TBC1D5: variants seen among roughly 807,000 people sequenced by gnomAD.
TBC1D5 encodes the protein TBC1 domain family, member 5.
Under a neutral mutation model 100.3 loss-of-function variants are expected in TBC1D5, and 75 were observed. The observed-to-expected ratio is 0.75, with a 90% CI of 0.62 to 0.91. The LOEUF is 0.91. Ranked by LOEUF, TBC1D5 falls within the 40% of genes least tolerant of loss-of-function variation. The pLI, the probability that TBC1D5 is intolerant of heterozygous loss-of-function variation, is 0.00. For missense variants in TBC1D5, 910 were observed against 942.4 expected (o/e 0.97, Z 0.45); for synonymous variants, 323 against 325.6 (o/e 0.99, Z 0.09).
At chr3:17,360,111 A>G (rs1295920715) in intron 13 of TBC1D5, among the ~76,000 whole-genome samples, 1 of 152,050 alleles carries the variant, frequency 6.6e-6, no homozygotes, top group East Asian at 1.9e-4. Flanking sequence ...TTAAAGTATT[A>G]TCACTGTTAC....
chr3:17,447,824 C>T (rs1315735264), intron 3 of TBC1D5, among the ~76,000 whole-genome samples: 3 of 152,152 alleles, frequency 2.0e-5, no homozygotes, highest in South Asian at 2.1e-4. Flanking sequence ...AACTATTTTT[C>T]CCATCTAACA....
intron 16 of TBC1D5, among the ~76,000 whole-genome samples, chr3:17,248,790 C>T (rs1051842938): frequency 3.9e-5 from 6 of 152,184 alleles, no homozygotes; most frequent in Non-Finnish European, 8.8e-5. Context: ...TCTCTGGCTA[C>T]GGAAGTCCTT....
chr3:17,592,085 G>A (rs1315885566), intron 2 of TBC1D5, among the ~76,000 whole-genome samples: 4 of 152,188 alleles, frequency 2.6e-5, no homozygotes, highest in Admixed American at 1.3e-4. Context: ...CATTGACCTG[G>A]CAAATGCCTT....
At chr3:17,576,187 T>C (rs1470717620) in intron 2 of TBC1D5, among the ~76,000 whole-genome samples, 6 of 152,084 alleles carry the variant, frequency 3.9e-5, no homozygotes, top group African/African-American at 1.4e-4. Flanking sequence ...GTGTTTAAGA[T>C]TGTATTGCTT....
chr3:17,428,606 T>C (rs1462953991), intron 3 of TBC1D5, 87 bp from the exon 4 acceptor site: 3 of 575,114 alleles, frequency 5.2e-6, no homozygotes, highest in Non-Finnish European at 5.3e-6. Flanking sequence ...ACGCAATATA[T>C]TAGCCAAAAA....
intron 3 of TBC1D5, among the ~76,000 whole-genome samples, chr3:17,450,767 C>T (rs2094907429): frequency 6.6e-6 from 1 of 152,102 alleles, no homozygotes; most frequent in South Asian, 2.1e-4. Context: ...GATTGGTATA[C>T]CTGAAAGTGA....
intron 17 of TBC1D5, among the ~76,000 whole-genome samples, chr3:17,236,288 C>T (rs2075845069): frequency 1.3e-5 from 2 of 152,036 alleles, no homozygotes; most frequent in African/African-American, 4.8e-5. Flanking sequence ...GTTATCAAAG[C>T]AATATTGAAA....
chr3:17,239,767 TG>T (rs35526254), intron 16 of TBC1D5, among the ~76,000 whole-genome samples: 62,061 of 151,944 alleles, frequency 0.41, 13,372 homozygotes, highest in Middle Eastern at 0.49. Context: ...ATTTGTTAGA[TG>T]AACAATTCCC....
intron 20 of TBC1D5, 66 bp downstream of exon 21, chr3:17,167,683 T>G (rs554228464): frequency 1.5e-5 from 22 of 1,433,748 alleles, no homozygotes; most frequent in Non-Finnish European, 2.2e-5. Context: ...TGGTGCTCCA[T>G]GCCCTGGGGG....
chr3:17,574,068 G>C (rs1240259884), intron 2 of TBC1D5, among the ~76,000 whole-genome samples: 4 of 151,968 alleles, frequency 2.6e-5, no homozygotes, highest in Admixed American at 2.0e-4. Context: ...TGTAATTTCT[G>C]CTTGGTCGCT....
At chr3:17,488,026 G>A (rs2095592235) in intron 3 of TBC1D5, among the ~76,000 whole-genome samples, 1 of 152,084 alleles carries the variant, frequency 6.6e-6, no homozygotes. Context: ...CACTCTTTGT[G>A]CTATACATTT....
intron 1 of TBC1D5, among the ~76,000 whole-genome samples, chr3:17,686,308 A>G (rs1278973734): frequency 6.6e-6 from 1 of 152,136 alleles, no homozygotes; most frequent in Non-Finnish European, 1.5e-5. Flanking sequence ...ATCTACCCAT[A>G]GTATAGCATT....
At chr3:17,425,880 C>T (rs908568811) in intron 4 of TBC1D5, among the ~76,000 whole-genome samples, 6 of 152,090 alleles carry the variant, frequency 3.9e-5, no homozygotes, top group African/African-American at 1.4e-4. Flanking sequence ...TTTAGATTTT[C>T]AAAGGCCTTT....
chr3:17,282,776 G>T (rs1024749469), intron 15 of TBC1D5, among the ~76,000 whole-genome samples: 4 of 152,196 alleles, frequency 2.6e-5, no homozygotes, highest in Non-Finnish European at 5.9e-5. Context: ...CACTGGATGA[G>T]ATCCTTTTCA....
intron 3 of TBC1D5, among the ~76,000 whole-genome samples, chr3:17,462,322 A>T (rs75583170): frequency 0.039 from 5,208 of 132,564 alleles, 151 homozygotes; most frequent in African/African-American, 0.083. Flanking sequence ...TCGGACCTTA[A>T]TTTTTTTTTT....
intron 2 of TBC1D5, among the ~76,000 whole-genome samples, chr3:17,612,598 C>T (rs1560280391): frequency 6.6e-6 from 1 of 151,900 alleles, no homozygotes; most frequent in Admixed American, 6.6e-5. Flanking sequence ...CCACTTCACT[C>T]AAGCCTGGGT....
intron 14 of TBC1D5, among the ~76,000 whole-genome samples, chr3:17,296,314 T>G (rs533326148): frequency 6.6e-6 from 1 of 152,358 alleles, no homozygotes; most frequent in South Asian, 2.1e-4. Context: ...GCAATGAAAG[T>G]GCCTTGCCAG....
rs144834713 is a variant in TBC1D5 at position 17,589,719 on chromosome 3, C to T, written c.-36+34130G>A. ...AATTAATCACTTCGTATTTTAATTG[C>T]CCCATCAGGCATTTCAGTCATTTAA... On this transcript the variant is annotated intron_variant, in intron 2 of 21. Coordinates refer to ENST00000253692, the Ensembl canonical transcript of TBC1D5. Among the ~76,000 whole-genome samples, 154 of 152,244 alleles carry T rather than the reference C, an allele frequency of 1.0e-3. 1 individual carries two copies. Among genetic ancestry groups the T allele is most frequent in the African/African-American group, 3.4e-3 (143 of 41,524 alleles).
chr3:17,278,572 C>T (rs1030620001), intron 15 of TBC1D5, among the ~76,000 whole-genome samples: 10 of 152,034 alleles, frequency 6.6e-5, no homozygotes, highest in African/African-American at 1.2e-4. Flanking sequence ...ATTCAATATG[C>T]TTCTGTACTT....
Sources: allele counts gnomAD v4.1 joint callset (sites outside exome capture counted in the v4.1 genomes callset), GRCh38; gene constraint gnomAD v4.1.1; transcripts MANE v1.5; gene names NCBI Gene and HGNC (gene_info 2026-07-23, HGNC 2026-07-21).